ZBTB20: variants seen among roughly 807,000 people sequenced by gnomAD.
The protein encoded by ZBTB20 is zinc finger and BTB domain-containing protein 20.
ZBTB20 carries 9 observed loss-of-function variants against 56.9 expected under a neutral mutation model. That is an observed-to-expected ratio of 0.16 (90% CI 0.10 to 0.28). ZBTB20 has a LOEUF of 0.28. Among genes scored for constraint, ZBTB20 ranks in the 10% least tolerant of loss-of-function variants. ZBTB20 has a pLI of 1.00. For synonymous variants in ZBTB20, 417 were observed against 420.7 expected, an observed-to-expected ratio of 0.99 and a Z score of 0.11; for missense variants, 655 against 1,003.0, an observed-to-expected ratio of 0.65 and a Z score of 4.69.
At chr3:114,561,663 C>T (rs1363085306) in intron 6 of ZBTB20, among the ~76,000 whole-genome samples, 2 of 152,020 alleles carry the variant, frequency 1.3e-5, no homozygotes, top group African/African-American at 2.4e-5. Flanking sequence ...TGCTCTTGTC[C>T]TGGCTTTATT....
chr3:114,459,220 C>A (rs1031555578), intron 7 of ZBTB20, among the ~76,000 whole-genome samples: 6 of 152,088 alleles, frequency 3.9e-5, no homozygotes, highest in African/African-American at 1.2e-4. Context: ...GCTCTTGAAG[C>A]CTTCCTTCTT....
rs909845389 is a variant in ZBTB20, at chr3:114,924,880, G to T, written c.-455-24538C>A. ...CTATTGATCTATCTTTAAGTTCAAT[G>T]ACTTTTCCTTCAACCCCTCCTCCAT... On this transcript the variant is annotated intron_variant, in intron 3 of 11. Coordinates refer to ENST00000675478, the MANE Select transcript of ZBTB20 (RefSeq NM_001348800.3). Among the ~76,000 whole-genome samples the T allele has an allele frequency of 3.5e-4, 53 of 150,018 alleles. 1 individual carries two copies. The highest frequency in any genetic ancestry group is 1.1e-3 in the Admixed American group (17 of 15,042).
intron 7 of ZBTB20, among the ~76,000 whole-genome samples, chr3:114,497,878 T>C (rs1221189090): frequency 2.0e-5 from 3 of 152,192 alleles, no homozygotes; most frequent in African/African-American, 4.8e-5. Context: ...TTAGCTTTTA[T>C]AAGCATAGTA....
At chr3:114,614,680 T>C (rs962817624) in intron 6 of ZBTB20, among the ~76,000 whole-genome samples, 1 of 152,180 alleles carries the variant, frequency 6.6e-6, no homozygotes, top group Admixed American at 6.6e-5. Flanking sequence ...AAAACATAAG[T>C]AGCATAATGA....
At chr3:114,777,790 G>A (rs2069719103) in intron 5 of ZBTB20, among the ~76,000 whole-genome samples, 1 of 152,010 alleles carries the variant, frequency 6.6e-6, no homozygotes, top group Admixed American at 6.6e-5. Context: ...AAAGACACAT[G>A]CACATGTATG....
chr3:114,380,510 T>TG, intron 9 of ZBTB20, 106 bp from the exon 10 acceptor site: 1 of 1,332,768 alleles, frequency 7.5e-7, no homozygotes, highest in Non-Finnish European at 1.0e-6. Flanking sequence ...TGAAGGGGGA[T>TG]GGGAGGGAGT....
At chr3:114,810,688 G>C (rs148725272) in intron 4 of ZBTB20, among the ~76,000 whole-genome samples, 128 of 152,282 alleles carry the variant, frequency 8.4e-4, no homozygotes, top group African/African-American at 2.9e-3. Flanking sequence ...TTAATCTATA[G>C]TGGGCATAAA....
At chr3:114,432,518 T>C in intron 7 of ZBTB20, among the ~76,000 whole-genome samples, 1 of 152,218 alleles carries the variant, frequency 6.6e-6, no homozygotes. Flanking sequence ...AAAGCAGGTG[T>C]GTGCTATGCC....
chr3:114,646,637 C>T (rs2059856610), intron 6 of ZBTB20, among the ~76,000 whole-genome samples: 1 of 152,204 alleles, frequency 6.6e-6, no homozygotes, highest in Non-Finnish European at 1.5e-5. Flanking sequence ...AAGTTTCATT[C>T]ATCCTCCTGT....
chr3:115,049,300 G>C (rs1046759288), intron 2 of ZBTB20, among the ~76,000 whole-genome samples: 1 of 152,068 alleles, frequency 6.6e-6, no homozygotes, highest in African/African-American at 2.4e-5. Context: ...TCAAAGAAAA[G>C]GAGTATCTGG....
intron 6 of ZBTB20, among the ~76,000 whole-genome samples, chr3:114,674,492 G>A (rs747490462): frequency 4.6e-5 from 7 of 152,174 alleles, no homozygotes; most frequent in Non-Finnish European, 8.8e-5. Context: ...GGGGAGGAAT[G>A]AGCATGTGGT....
intron 3 of ZBTB20, among the ~76,000 whole-genome samples, chr3:114,970,132 T>C (rs72960344): frequency 6.6e-6 from 1 of 152,180 alleles, no homozygotes; most frequent in Non-Finnish European, 1.5e-5. Flanking sequence ...ACTTAATTCT[T>C]TTTTTAATAC....
At chr3:114,581,705 A>G (rs1246189582) in intron 6 of ZBTB20, among the ~76,000 whole-genome samples, 1 of 152,094 alleles carries the variant, frequency 6.6e-6, no homozygotes, top group Non-Finnish European at 1.5e-5. Context: ...AAAAAAAAAA[A>G]AAGTTAATGA....
intron 6 of ZBTB20, among the ~76,000 whole-genome samples, chr3:114,602,138 T>G (rs1166312721): frequency 1.3e-5 from 2 of 152,016 alleles, no homozygotes; most frequent in African/African-American, 4.8e-5. Flanking sequence ...TGAACAAGAA[T>G]CTCACTAGTT....
At chr3:114,429,409 AT>A (rs2089956083) in intron 7 of ZBTB20, among the ~76,000 whole-genome samples, 1 of 152,230 alleles carries the variant, frequency 6.6e-6, no homozygotes. Flanking sequence ...GGTACCCCAC[AT>A]CTAAAGATTG....
chr3:114,322,122 A>C lies in ZBTB20; in HGVS notation c.*16883T>G, dbSNP rs1439756245. ...CTGCTGTTGGCTCTGGCCATACAGA[A>C]CCCTGATCTGCACTGTGTACATGCT... On this transcript the variant is annotated 3_prime_UTR_variant, in exon 12 of 12. Transcript: ENST00000675478. 1 of 152,192 alleles carries C rather than the reference A, an allele frequency of 6.6e-6. No individual in the cohort carries two copies. The highest frequency in any genetic ancestry group is 6.5e-5 in the Admixed American group (1 of 15,270). The allele number at this position is 152,192 out of a possible 1,614,324, so 9.4% of individuals were successfully genotyped here.
At chr3:114,348,382 C>T (rs891894091) in intron 11 of ZBTB20, among the ~76,000 whole-genome samples, 1 of 152,224 alleles carries the variant, frequency 6.6e-6, no homozygotes, top group East Asian at 1.9e-4. Context: ...TCATAAGATG[C>T]TACAAAATAA....
At chr3:114,834,687 G>C (rs1274035274) in intron 4 of ZBTB20, among the ~76,000 whole-genome samples, 1 of 151,882 alleles carries the variant, frequency 6.6e-6, no homozygotes, top group Non-Finnish European at 1.5e-5. Flanking sequence ...AAGCCTCAGG[G>C]AAGAGGGCTG....
chr3:114,829,708 G>C (rs2073742633), intron 4 of ZBTB20, among the ~76,000 whole-genome samples: 2 of 151,778 alleles, frequency 1.3e-5, no homozygotes, highest in Admixed American at 6.6e-5. Flanking sequence ...TTTACAATTA[G>C]AACACTAAGA....
Sources: allele counts gnomAD v4.1 joint callset (sites outside exome capture counted in the v4.1 genomes callset), GRCh38; gene constraint gnomAD v4.1.1; transcripts MANE v1.5; gene names NCBI Gene and HGNC (gene_info 2026-07-23, HGNC 2026-07-21).